Variants in ANAPC7 observed in about 807,000 individuals in gnomAD.
The protein encoded by ANAPC7 is anaphase promoting complex subunit 7.
In ANAPC7, 25 loss-of-function variants were observed where a neutral mutation model predicts 63.3. That is an observed-to-expected ratio of 0.39 (90% confidence interval 0.29 to 0.55). The LOEUF (loss-of-function observed/expected upper bound fraction) is 0.55. Ranked by LOEUF, ANAPC7 falls within the 20% of genes least tolerant of loss-of-function variation. The probability of loss-of-function intolerance (pLI) is 0.57; values close to 1 mark genes in which losing one functional copy is unlikely to be tolerated. For missense variants in ANAPC7, 516 were observed against 691.7 expected (o/e 0.75, Z 2.85); for synonymous variants, 241 against 251.7 (o/e 0.96, Z 0.40).
chr12:110,402,563 T>C (rs1226726632), intron 1 of ANAPC7, among the ~76,000 whole-genome samples: 1 of 152,082 alleles, frequency 6.6e-6, no homozygotes, highest in Non-Finnish European at 1.5e-5. Context: ...CTCGATCTCC[T>C]GACCTCGTGA....
intron 1 of ANAPC7, among the ~76,000 whole-genome samples, chr12:110,400,103 G>GA (rs59393659): frequency 2.9e-4 from 44 of 151,444 alleles, no homozygotes; most frequent in Admixed American, 2.0e-3. Context: ...CAGAAAAACA[G>GA]AAAAAAAACA....
chr12:110,381,294 C>T (rs1298247460), intron 8 of ANAPC7, among the ~76,000 whole-genome samples: 6 of 152,002 alleles, frequency 3.9e-5, no homozygotes, highest in Admixed American at 1.3e-4. Context: ...AGAGACCCAA[C>T]GTCAGGATAT....
At chr12:110,381,219 A>G (rs762918560) in intron 8 of ANAPC7, among the ~76,000 whole-genome samples, 3 of 152,110 alleles carry the variant, frequency 2.0e-5, no homozygotes, top group Admixed American at 2.0e-4. Context: ...CACATTGGTA[A>G]CCCCTGGGGA....
chr12:110,382,482 A>T (rs1318682404), intron 7 of ANAPC7, among the ~76,000 whole-genome samples: 3 of 131,522 alleles, frequency 2.3e-5, no homozygotes, highest in Non-Finnish European at 4.8e-5. Flanking sequence ...ATATATATAT[A>T]TATATATATA....
At chr12:110,380,225 C>T (rs1881691030) in intron 8 of ANAPC7, among the ~76,000 whole-genome samples, 1 of 151,944 alleles carries the variant, frequency 6.6e-6, no homozygotes, top group South Asian at 2.1e-4. Flanking sequence ...GTGGTGTATG[C>T]CTGTAATCCC....
chr12:110,395,619 G>C (rs1268419137), intron 2 of ANAPC7, among the ~76,000 whole-genome samples: 1 of 149,314 alleles, frequency 6.7e-6, no homozygotes, highest in Non-Finnish European at 1.5e-5. Flanking sequence ...TTGAGACAGA[G>C]TCTCGTTCTG....
At chr12:110,393,810 T>C (rs1309373017) in intron 3 of ANAPC7, among the ~76,000 whole-genome samples, 2 of 138,504 alleles carry the variant, frequency 1.4e-5, no homozygotes, top group African/African-American at 2.8e-5. Flanking sequence ...GAGGTTGCAG[T>C]GAGCTGAGAT....
intron 1 of ANAPC7, among the ~76,000 whole-genome samples, chr12:110,401,582 G>C (rs913371084): frequency 6.6e-6 from 1 of 152,046 alleles, no homozygotes; most frequent in Non-Finnish European, 1.5e-5. Flanking sequence ...TAGAGAACAC[G>C]CTTGGTGCAT....
chr12:110,388,969 C>A (rs1434732544), intron 3 of ANAPC7, among the ~76,000 whole-genome samples: 1 of 151,464 alleles, frequency 6.6e-6, no homozygotes, highest in Non-Finnish European at 1.5e-5. Flanking sequence ...GTAGTCCCAG[C>A]TACTCGGGAG....
intron 1 of ANAPC7, among the ~76,000 whole-genome samples, chr12:110,401,187 T>C (rs1385619282): frequency 6.6e-6 from 1 of 152,180 alleles, no homozygotes; most frequent in African/African-American, 2.4e-5. Context: ...CTAATACATC[T>C]ACAGAGTAAA....
At chr12:110,384,704 A>T (rs1489483704) in intron 6 of ANAPC7, among the ~76,000 whole-genome samples, 1 of 151,944 alleles carries the variant, frequency 6.6e-6, no homozygotes, top group African/African-American at 2.4e-5. Flanking sequence ...AACAAAAAAA[A>T]CAAAAAACCA....
intron 3 of ANAPC7, among the ~76,000 whole-genome samples, chr12:110,391,143 T>A (rs1883052702): frequency 6.6e-6 from 1 of 152,050 alleles, no homozygotes; most frequent in African/African-American, 2.4e-5. Flanking sequence ...TGAGCTGAGA[T>A]CATGCCATTG....
At chr12:110,395,507 A>G (rs1417352723) in intron 2 of ANAPC7, among the ~76,000 whole-genome samples, 1 of 151,934 alleles carries the variant, frequency 6.6e-6, no homozygotes, top group Admixed American at 6.6e-5. Context: ...TGCCAAGGCT[A>G]GTCTCAAACT....
intron 3 of ANAPC7, among the ~76,000 whole-genome samples, chr12:110,390,425 A>G (rs2137965272): frequency 6.6e-6 from 1 of 152,240 alleles, no homozygotes; most frequent in South Asian, 2.1e-4. Flanking sequence ...TAACCTAAGG[A>G]AGCAGTCAAT....
intron 3 of ANAPC7, among the ~76,000 whole-genome samples, chr12:110,393,089 C>G (rs928891931): frequency 6.6e-6 from 1 of 152,092 alleles, no homozygotes; most frequent in Non-Finnish European, 1.5e-5. Context: ...GCCACCATGC[C>G]CAGCCGACAC....
intron 8 of ANAPC7, among the ~76,000 whole-genome samples, chr12:110,381,088 C>T (rs1881799987): frequency 6.6e-6 from 1 of 151,318 alleles, no homozygotes; most frequent in Non-Finnish European, 1.5e-5. Flanking sequence ...CCAACTATAC[C>T]CTCACCAAAA....
intron 4 of ANAPC7, 146 bp downstream of exon 4, chr12:110,388,365 GA>G: frequency 1.1e-5 from 7 of 638,192 alleles, no homozygotes; most frequent in Non-Finnish European, 2.7e-6. Flanking sequence ...TTTCTTGATT[GA>G]ATATGTGACA....
At chr12:110,383,235 G>A (rs868566855) in intron 6 of ANAPC7, 87 of 298,126 alleles carry the variant, frequency 2.9e-4, no homozygotes, top group Non-Finnish European at 4.4e-4. Flanking sequence ...TCAGGAGATC[G>A]AGACCATCCT....
intron 1 of ANAPC7, among the ~76,000 whole-genome samples, chr12:110,402,766 C>G (rs930770901): frequency 2.6e-5 from 4 of 152,036 alleles, no homozygotes; most frequent in African/African-American, 7.2e-5. Context: ...GACAGGCAGT[C>G]GTTCTGTCGC....
Sources: allele counts gnomAD v4.1 joint callset (sites outside exome capture counted in the v4.1 genomes callset), GRCh38; gene constraint gnomAD v4.1.1; transcripts MANE v1.5; gene names NCBI Gene and HGNC (gene_info 2026-07-23, HGNC 2026-07-21).